SIL1: variants seen among roughly 807,000 people sequenced by gnomAD.
The protein encoded by SIL1 is nucleotide exchange factor SIL1.
In SIL1, 40 loss-of-function variants were observed where a neutral mutation model predicts 49.1. That is an observed-to-expected ratio of 0.81 (90% CI 0.63 to 1.06). The LOEUF is 1.06. Among genes scored for constraint, SIL1 ranks in the 50% least tolerant of loss-of-function variants. The pLI, the probability that SIL1 is intolerant of heterozygous loss-of-function variation, is 0.00. For missense variants in SIL1, 500 were observed against 572.6 expected, an observed-to-expected ratio of 0.87 and a Z score of 1.29; for synonymous variants, 253 against 250.8, an observed-to-expected ratio of 1.01 and a Z score of -0.08.
chr5:139,041,323 C>T (rs1318979468), intron 5 of SIL1, among the ~76,000 whole-genome samples: 1 of 152,216 alleles, frequency 6.6e-6, no homozygotes, highest in East Asian at 1.9e-4. Flanking sequence ...GCCTGCATTT[C>T]ACACTTCTTA....
intron 6 of SIL1, chr5:139,022,152 AAT>A (rs1768544030): frequency 6.6e-6 from 1 of 152,212 alleles, no homozygotes; most frequent in Admixed American, 6.5e-5. Flanking sequence ...GTCTCCCTCG[AAT>A]ATATCTTTGT....
intron 7 of SIL1, among the ~76,000 whole-genome samples, chr5:139,008,620 C>A (rs1314300763): frequency 1.4e-5 from 2 of 147,614 alleles, no homozygotes; most frequent in Non-Finnish European, 3.0e-5. Context: ...TTTCCCTCTA[C>A]ACACTGCTTT....
chr5:139,155,448 T>TGAGAGAGTGAGAGAGAGAGA (rs1554136155), intron 1 of SIL1: 2 of 125,910 alleles, frequency 1.6e-5, no homozygotes, highest in African/African-American at 5.4e-5. Flanking sequence ...GTACACAGAG[T>TGAGAGAGTGAGAGAGAGAGA]GAGAGAGAGA....
chr5:139,145,078 T>TATTAGG (rs1364675677), intron 1 of SIL1, among the ~76,000 whole-genome samples: 1 of 152,124 alleles, frequency 6.6e-6, no homozygotes, highest in Non-Finnish European at 1.5e-5. Context: ...TGAAACAAAA[T>TATTAGG]ATTTGCAAAT....
chr5:138,953,752 C>T (rs1287368317), intron 7 of SIL1, among the ~76,000 whole-genome samples: 1 of 152,208 alleles, frequency 6.6e-6, no homozygotes, highest in Non-Finnish European at 1.5e-5. Context: ...CTGTCTCTGC[C>T]ATCATGTGCC....
In SIL1 at chr5:138,983,444, C is replaced by T. The variant is rs1471308380; in HGVS notation, c.768-31560G>A. 2.0e-5 allele frequency among the ~76,000 whole-genome samples: 3 copies of T among 149,290 alleles called. 1 individual carries two copies. The highest frequency in any genetic ancestry group is 4.5e-5 in the Non-Finnish European group (3 of 67,348). On this transcript the variant is annotated intron_variant, in intron 7 of 9. Transcript: ENST00000394817. ...AATGGCGTGAACCCGGGCGGAGGAG[C>T]TTGCAGTGAGCCGAGATCGCGCCAC...
In SIL1 at chr5:139,183,224, A is replaced by G. The variant is rs562442401; in HGVS notation, c.-11+15045T>C. Among the ~76,000 whole-genome samples the G allele has an allele frequency of 6.6e-5, 10 of 152,298 alleles. No individual in the cohort carries two copies. In the South Asian group the frequency reaches 1.9e-3, roughly 28 times the overall value. On this transcript the variant is annotated intron_variant, in intron 1 of 9. Coordinates refer to ENST00000394817, the MANE Select transcript of SIL1 (RefSeq NM_022464.5). Reference sequence around the variant, plus strand: ...TAAGCATGACCTCTACATGCCCCCAAGTTCTCCTCAGAAATTACAAAGAAG... The same window carrying G: ...TAAGCATGACCTCTACATGCCCCCAGGTTCTCCTCAGAAATTACAAAGAAG...
intron 2 of SIL1, among the ~76,000 whole-genome samples, chr5:139,121,487 G>A (rs563195773): frequency 1.9e-4 from 29 of 152,220 alleles, no homozygotes; most frequent in Non-Finnish European, 3.5e-4. Flanking sequence ...CTGGCAAAAC[G>A]AAACAATAAG....
chr5:138,964,524 G>T (rs1449211923), intron 7 of SIL1, among the ~76,000 whole-genome samples: 1 of 152,120 alleles, frequency 6.6e-6, no homozygotes, highest in Non-Finnish European at 1.5e-5. Flanking sequence ...TTCCCCAAAA[G>T]AAAATGTTAA....
chr5:139,026,760 A>T, intron 6 of SIL1, 41 bp downstream of exon 6: 1 of 1,573,952 alleles, frequency 6.4e-7, no homozygotes, highest in Non-Finnish European at 8.7e-7. Flanking sequence ...TTATTTTTGG[A>T]GCTGTTAAAA....
intron 7 of SIL1, among the ~76,000 whole-genome samples, chr5:138,971,078 TA>T (rs1561810252): frequency 6.6e-6 from 1 of 151,962 alleles, no homozygotes; most frequent in Non-Finnish European, 1.5e-5. Context: ...GCATAAAGAT[TA>T]ACAGCCTCAC....
At position 139,046,268 on chromosome 5, in the gene SIL1, A is replaced by G. The variant is rs199695133; in HGVS notation, c.354-3549T>C. On this transcript the variant is annotated intron_variant, in intron 4 of 9. Transcript: ENST00000394817. ...CTTGAAGCCAGGAGGCGGAGGTTGC[A>G]GTGAGCTGAGATGGTGCCACTGCAC... Among the ~76,000 whole-genome samples, 36 of 152,328 alleles carry G rather than the reference A, an allele frequency of 2.4e-4. No individual in the cohort carries two copies. The East Asian group carries it at 7.0e-3, about 29-fold the overall frequency.
chr5:138,956,816 CA>C lies in SIL1; in HGVS notation c.768-4933del, dbSNP rs574530863. Among the ~76,000 whole-genome samples, 18 of 150,922 alleles carry C rather than the reference CA, an allele frequency of 1.2e-4. No individual in the cohort carries two copies. The East Asian group carries it at 2.7e-3, about 23-fold the overall frequency. Reference sequence around the variant, plus strand: ...GTTTAACAACAACAACAACAAAAAACAAAAAACAAAACAAAAAAAACACTGT... The same window carrying C: ...GTTTAACAACAACAACAACAAAAAACAAAAACAAAACAAAAAAAACACTGT... On this transcript the variant is annotated intron_variant, in intron 7 of 9. Transcript: ENST00000394817.
chr5:139,133,759 A>T (rs752583435), intron 1 of SIL1, among the ~76,000 whole-genome samples: 1 of 152,236 alleles, frequency 6.6e-6, no homozygotes, highest in Non-Finnish European at 1.5e-5. Flanking sequence ...TTATTAACCT[A>T]CACTGTATGT....
chr5:139,042,554 C>A, intron 5 of SIL1, 66 bp downstream of exon 5: 2 of 1,327,468 alleles, frequency 1.5e-6, no homozygotes, highest in South Asian at 1.2e-5. Flanking sequence ...AAAAATGATT[C>A]CATTCTCTGC....
intron 5 of SIL1, among the ~76,000 whole-genome samples, 170 bp downstream of exon 5, chr5:139,042,450 T>A (rs542223351): frequency 1.3e-5 from 2 of 152,358 alleles, no homozygotes; most frequent in East Asian, 3.9e-4. Flanking sequence ...AGCACTTTTT[T>A]TTTAATAGTC....
chr5:139,123,803 A>G (rs1293033344), intron 2 of SIL1, among the ~76,000 whole-genome samples: 1 of 152,246 alleles, frequency 6.6e-6, no homozygotes, highest in Non-Finnish European at 1.5e-5. Context: ...ACTGTCACGC[A>G]GGCATTCAAC....
At chr5:138,974,738 C>T (rs991508981) in intron 7 of SIL1, among the ~76,000 whole-genome samples, 5 of 152,344 alleles carry the variant, frequency 3.3e-5, no homozygotes, top group East Asian at 3.9e-4. Flanking sequence ...CGGTCTCACT[C>T]AGAGTCGGTG....
chr5:138,965,334 C>T (rs1309537828), intron 7 of SIL1, among the ~76,000 whole-genome samples: 3 of 152,142 alleles, frequency 2.0e-5, no homozygotes, highest in African/African-American at 2.4e-5. Context: ...GGGATATAAA[C>T]GCTTAAAATT....
Sources: gnomAD v4.1 joint callset for allele counts (sites outside exome capture counted in the v4.1 genomes callset) on GRCh38, gnomAD v4.1.1 for gene constraint, MANE v1.5 for transcripts, NCBI Gene and HGNC (gene_info 2026-07-23, HGNC 2026-07-21) for gene names.